METTL24: variants seen among roughly 807,000 people sequenced by gnomAD.
The protein encoded by METTL24 is probable methyltransferase-like protein 24.
A neutral mutation model predicts 32.7 loss-of-function variants in METTL24; 29 were observed. The observed-to-expected ratio is 0.89, with a 90% CI of 0.66 to 1.21. The LOEUF is 1.21. METTL24 is among the 50% of genes most tolerant of loss of function. METTL24 has a pLI of 0.00. For synonymous variants in METTL24, 163 were observed against 179.5 expected (o/e 0.91, Z 0.73); for missense variants, 439 against 468.1 (o/e 0.94, Z 0.57).
At chr6:110,266,750 T>C (rs1207953271) in intron 4 of METTL24, among the ~76,000 whole-genome samples, 1 of 152,206 alleles carries the variant, frequency 6.6e-6, no homozygotes, top group Non-Finnish European at 1.5e-5. Flanking sequence ...TTTGAAATTC[T>C]GGAATATACT....
At position 110,244,967 on chromosome 6, in the gene METTL24, A is replaced by G. The variant is rs959424085; in HGVS notation, c.*979T>C. Among the ~76,000 whole-genome samples the G allele has an allele frequency of 8.8e-6, 1 of 113,816 alleles. No individual in the cohort carries two copies. The allele number at this position is 113,816 out of a possible 152,430, so 74.7% of individuals were successfully genotyped here. Reference sequence around the variant, plus strand: ...GTGAAACATGCCAGTAGGAAAATCTATCTTATCTATCTATCTATCTATCTA... The same window carrying G: ...GTGAAACATGCCAGTAGGAAAATCTGTCTTATCTATCTATCTATCTATCTA... On this transcript the variant is annotated 3_prime_UTR_variant, in exon 5 of 5. Coordinates refer to ENST00000338882, the MANE Select transcript of METTL24 (RefSeq NM_001123364.3).
At chr6:110,313,396 A>G (rs553136674) in intron 3 of METTL24, among the ~76,000 whole-genome samples, 2 of 152,322 alleles carry the variant, frequency 1.3e-5, no homozygotes, top group South Asian at 4.1e-4. Flanking sequence ...ATAGGAAACT[A>G]CCTTTTTATA....
intron 3 of METTL24, among the ~76,000 whole-genome samples, chr6:110,308,974 G>A (rs1420724300): frequency 1.3e-5 from 2 of 152,148 alleles, no homozygotes; most frequent in East Asian, 3.9e-4. Context: ...GAGGGTTGGA[G>A]GGAAATTGAG....
intron 1 of METTL24, among the ~76,000 whole-genome samples, chr6:110,335,740 A>T (rs1029710634): frequency 3.3e-5 from 5 of 152,086 alleles, no homozygotes; most frequent in Admixed American, 3.3e-4. Context: ...CTTTGCATTA[A>T]AAGAGACCTT....
chr6:110,293,872 GT>G (rs898604042), intron 4 of METTL24, among the ~76,000 whole-genome samples: 7 of 150,558 alleles, frequency 4.6e-5, no homozygotes, highest in East Asian at 3.9e-4. Context: ...AAAATGTGCA[GT>G]TTTTTTTTAA....
intron 4 of METTL24, among the ~76,000 whole-genome samples, chr6:110,267,242 A>G (rs1770872625): frequency 1.3e-5 from 2 of 152,360 alleles, no homozygotes; most frequent in South Asian, 4.1e-4. Context: ...AAAGCAAACT[A>G]TAAACAGATG....
At chr6:110,249,943 A>C (rs1778246652) in intron 4 of METTL24, among the ~76,000 whole-genome samples, 1 of 152,000 alleles carries the variant, frequency 6.6e-6, no homozygotes, top group Non-Finnish European at 1.5e-5. Flanking sequence ...TTGTACCTGA[A>C]ATATCCAATC....
At chr6:110,352,577 C>T (rs568423293) in intron 1 of METTL24, among the ~76,000 whole-genome samples, 2 of 148,300 alleles carry the variant, frequency 1.3e-5, no homozygotes, top group Admixed American at 6.9e-5. Flanking sequence ...GTTTCTTGCA[C>T]AGCAAATTTT....
chr6:110,312,790 T>C (rs1439746492), intron 3 of METTL24, among the ~76,000 whole-genome samples: 1 of 152,190 alleles, frequency 6.6e-6, no homozygotes, highest in East Asian at 1.9e-4. Context: ...TCCAGGTTCT[T>C]GGCATCTTTA....
intron 4 of METTL24, 88 bp downstream of exon 4, chr6:110,298,834 G>A (rs747611764): frequency 1.2e-5 from 14 of 1,120,732 alleles, no homozygotes; most frequent in Middle Eastern, 2.7e-4. Context: ...GCTATCCAAT[G>A]TCAATGTTGC....
intron 4 of METTL24, among the ~76,000 whole-genome samples, chr6:110,267,936 C>T (rs1770886505): frequency 6.6e-6 from 1 of 152,102 alleles, no homozygotes; most frequent in African/African-American, 2.4e-5. Flanking sequence ...AGTAAGAACT[C>T]ACTCACTATT....
At chr6:110,313,404 A>G (rs1382301495) in intron 3 of METTL24, among the ~76,000 whole-genome samples, 3 of 152,356 alleles carry the variant, frequency 2.0e-5, no homozygotes, top group South Asian at 2.1e-4. Context: ...CTACCTTTTT[A>G]TATGTAATAA....
chr6:110,320,621 A>C (rs1453271450), intron 2 of METTL24, among the ~76,000 whole-genome samples: 2 of 152,178 alleles, frequency 1.3e-5, no homozygotes, highest in African/African-American at 4.8e-5. Context: ...TTCAACAACA[A>C]ATTCTCTATT....
chr6:110,350,810 A>AATAAAAT (rs1772585130), intron 1 of METTL24, among the ~76,000 whole-genome samples: 1 of 146,512 alleles, frequency 6.8e-6, no homozygotes, highest in African/African-American at 2.7e-5. Context: ...AATAAAATAA[A>AATAAAAT]ATAAAATAAA....
At chr6:110,268,010 G>T (rs1029238995) in intron 4 of METTL24, among the ~76,000 whole-genome samples, 2 of 152,104 alleles carry the variant, frequency 1.3e-5, no homozygotes, top group African/African-American at 4.8e-5. Context: ...CTCACACCAG[G>T]TCCTACCTGC....
intron 4 of METTL24, among the ~76,000 whole-genome samples, chr6:110,248,637 A>C (rs1045901666): frequency 6.7e-6 from 1 of 149,898 alleles, no homozygotes; most frequent in African/African-American, 2.4e-5. Flanking sequence ...ATTCTTGTGA[A>C]TCAGACACAG....
intron 4 of METTL24, among the ~76,000 whole-genome samples, chr6:110,255,989 ATTTGGTAT>A (rs1330191453): frequency 6.6e-6 from 1 of 152,166 alleles, no homozygotes; most frequent in Admixed American, 6.5e-5. Flanking sequence ...AAACAAACGC[ATTTGGTAT>A]TTAGTTTTTG....
intron 3 of METTL24, among the ~76,000 whole-genome samples, chr6:110,299,383 A>G (rs1771481287): frequency 6.6e-6 from 1 of 152,196 alleles, no homozygotes; most frequent in South Asian, 2.1e-4. Flanking sequence ...AGAATCACAT[A>G]CTCAAACATG....
chr6:110,311,402 C>T (rs1330877566), intron 3 of METTL24, among the ~76,000 whole-genome samples: 1 of 150,760 alleles, frequency 6.6e-6, no homozygotes, highest in Non-Finnish European at 1.5e-5. Context: ...CTATTCATTG[C>T]TTTTCCCAGT....
Sources: gnomAD v4.1 joint callset for allele counts (sites outside exome capture counted in the v4.1 genomes callset) on GRCh38, gnomAD v4.1.1 for gene constraint, MANE v1.5 for transcripts, NCBI Gene and HGNC (gene_info 2026-07-23, HGNC 2026-07-21) for gene names.